Variants in DMD observed in about 807,000 individuals in gnomAD.
DMD encodes the protein mutant dystrophin.
DMD carries 63 observed loss-of-function variants against 330.1 expected under a neutral mutation model. That is an observed-to-expected ratio of 0.19 (90% CI 0.16 to 0.24). DMD has a LOEUF of 0.24. Among genes scored for constraint, DMD ranks in the 10% least tolerant of loss-of-function variants. DMD has a pLI of 1.00. For synonymous variants in DMD, 1,223 were observed against 959.8 expected (o/e 1.27, Z -5.07); for missense variants, 3,344 against 2,684.1 (o/e 1.25, Z -5.43).
intron 55 of DMD, among the ~76,000 whole-genome samples, chrX:31,569,605 T>TGTATATACGTATATATAC (rs1272363773): frequency 0.071 from 6,307 of 89,436 alleles, 298 homozygotes; most frequent in Middle Eastern, 0.11. Flanking sequence ...TACACATATA[T>TGTATATACGTATATATAC]GTATATACGT....
At chrX:32,700,700 A>G (rs1048468214) in intron 7 of DMD, among the ~76,000 whole-genome samples, 3 of 111,840 alleles carry the variant, frequency 2.7e-5, no homozygotes, top group African/African-American at 9.7e-5. Context: ...ATTAATGAAT[A>G]TAAAAATCAA....
chrX:33,066,793 C>A (rs769355258), intron 1 of DMD, among the ~76,000 whole-genome samples: 6 of 111,776 alleles, frequency 5.4e-5, no homozygotes, highest in Admixed American at 9.6e-5. Context: ...GATATTAACA[C>A]CAACGATTAT....
At chrX:31,598,157 C>G (rs964145729) in intron 55 of DMD, among the ~76,000 whole-genome samples, 1 of 109,381 alleles carries the variant, frequency 9.1e-6, no homozygotes, top group Non-Finnish European at 1.9e-5. Flanking sequence ...GTCACCTAGA[C>G]TGGAGTACAG....
At chrX:31,258,076 A>C (rs1410334119) in intron 63 of DMD, among the ~76,000 whole-genome samples, 1 of 112,761 alleles carries the variant, frequency 8.9e-6, no homozygotes, top group Non-Finnish European at 1.9e-5. Flanking sequence ...CAAGTAACTT[A>C]CTATTCATAG....
intron 1 of DMD, among the ~76,000 whole-genome samples, chrX:33,264,465 G>A (rs999471822): frequency 1.8e-5 from 2 of 110,226 alleles, no homozygotes; most frequent in Admixed American, 9.7e-5. Context: ...AGTTTTTACC[G>A]CCTAAAGTCT....
chrX:33,317,728 T>C (rs1010954251), intron 1 of DMD, among the ~76,000 whole-genome samples: 41 of 111,765 alleles, frequency 3.7e-4, no homozygotes, highest in Admixed American at 7.6e-4. Flanking sequence ...ATGTTTCCTA[T>C]GCAGACATAG....
intron 62 of DMD, among the ~76,000 whole-genome samples, chrX:31,286,682 T>C (rs1235824348): frequency 8.9e-6 from 1 of 112,779 alleles, no homozygotes; most frequent in African/African-American, 3.2e-5. Context: ...CCCAGACAAT[T>C]TGTATGCACA....
intron 2 of DMD, among the ~76,000 whole-genome samples, chrX:32,878,413 A>T (rs760232095): frequency 4.0e-4 from 45 of 111,876 alleles, no homozygotes; most frequent in Non-Finnish European, 1.9e-4. Flanking sequence ...TAAACTGATT[A>T]ATCTTTAACT....
At chrX:31,778,565 A>AT (rs36164865) in intron 50 of DMD, among the ~76,000 whole-genome samples, 25,221 of 62,204 alleles carry the variant, frequency 0.41, 4,994 homozygotes, top group East Asian at 0.54. Context: ...AAGTCCTGAA[A>AT]TTTTTTTTTT....
At chrX:32,908,601 G>A (rs1018031272) in intron 2 of DMD, among the ~76,000 whole-genome samples, 4 of 111,647 alleles carry the variant, frequency 3.6e-5, no homozygotes, top group Non-Finnish European at 7.5e-5. Context: ...TTAGATCTAA[G>A]CAGTCTGTCT....
chrX:31,916,431 C>T (rs1036887129), intron 47 of DMD, among the ~76,000 whole-genome samples: 2 of 111,828 alleles, frequency 1.8e-5, no homozygotes, highest in African/African-American at 6.5e-5. Flanking sequence ...TACCAGAGTC[C>T]TCAATCCTAA....
intron 7 of DMD, among the ~76,000 whole-genome samples, chrX:32,783,735 C>T (rs1225498377): frequency 1.8e-5 from 2 of 110,713 alleles, no homozygotes; most frequent in Non-Finnish European, 3.8e-5. Flanking sequence ...AGGTTATATG[C>T]AAATATGACA....
In DMD at chrX:32,217,202, A is replaced by C. The variant is rs1245889194; in HGVS notation, c.6291-139T>G. On this transcript the variant is annotated intron_variant, in intron 43 of 78. Coordinates refer to ENST00000357033, the MANE Select transcript of DMD (RefSeq NM_004006.3). ...CCTGCATTTGCAGAGTTTAGTTTCAAGTAACAAATAAAAATTAATATACAC... is the reference window on the plus strand; with the variant it reads ...CCTGCATTTGCAGAGTTTAGTTTCACGTAACAAATAAAAATTAATATACAC... The C allele has an allele frequency of 1.0e-5, 6 of 587,416 alleles. No homozygotes were observed. In the African/African-American group the frequency reaches 1.2e-4, roughly 11 times the overall value. The allele number at this position is 587,416 out of a possible 1,213,427, so 48.4% of individuals were successfully genotyped here. A position where few individuals can be genotyped will look rare whatever the true frequency, so the allele number is the denominator to read the frequency against.
At chrX:32,868,057 G>A (rs2082653784) in intron 2 of DMD, among the ~76,000 whole-genome samples, 2 of 110,705 alleles carry the variant, frequency 1.8e-5, no homozygotes, top group Non-Finnish European at 3.8e-5. Flanking sequence ...GGACTGACTA[G>A]GCAGTTGGCA....
At chrX:32,437,824 T>C (rs982827964) in intron 29 of DMD, among the ~76,000 whole-genome samples, 1 of 112,665 alleles carries the variant, frequency 8.9e-6, no homozygotes, top group Non-Finnish European at 1.9e-5. Context: ...AATGTAGTGT[T>C]ATTTATGAAG....
chrX:31,468,811 G>A (rs2067070794), intron 59 of DMD, among the ~76,000 whole-genome samples: 2 of 111,408 alleles, frequency 1.8e-5, no homozygotes, highest in African/African-American at 6.5e-5. Flanking sequence ...TCTCTTTGTA[G>A]GTCTCTAAGA....
chrX:32,278,206 T>C (rs2097398194), intron 43 of DMD, among the ~76,000 whole-genome samples: 1 of 110,679 alleles, frequency 9.0e-6, no homozygotes, highest in Non-Finnish European at 1.9e-5. Flanking sequence ...AATTGAAAAA[T>C]CTAGAGGTAA....
chrX:31,496,015 A>G (rs190092881), intron 57 of DMD, among the ~76,000 whole-genome samples: 1 of 112,171 alleles, frequency 8.9e-6, no homozygotes, highest in African/African-American at 3.2e-5. Context: ...CATTTTTTCT[A>G]TTGATTGCAT....
chrX:31,973,053 C>T (rs2095411058), intron 44 of DMD, among the ~76,000 whole-genome samples: 1 of 111,461 alleles, frequency 9.0e-6, no homozygotes, highest in Non-Finnish European at 1.9e-5. Flanking sequence ...TTTCTTTCAA[C>T]TTCTATCGGA....
Sources: allele counts gnomAD v4.1 joint callset (sites outside exome capture counted in the v4.1 genomes callset), GRCh38; gene constraint gnomAD v4.1.1; transcripts MANE v1.5; gene names NCBI Gene and HGNC (gene_info 2026-07-23, HGNC 2026-07-21).